The following ANKRD26 variants were observed in gnomAD, a reference collection of about 807,000 sequenced individuals.
The protein encoded by ANKRD26 is ankyrin repeat domain-containing protein 26.
Under a neutral mutation model 208.7 loss-of-function variants are expected in ANKRD26, and 141 were observed. That is an observed-to-expected ratio of 0.68 (90% confidence interval 0.59 to 0.78). ANKRD26 has a LOEUF of 0.78. Ranked by LOEUF, ANKRD26 falls within the 30% of genes least tolerant of loss-of-function variation. ANKRD26 has a pLI of 0.00. For synonymous variants in ANKRD26, 636 were observed against 660.4 expected (o/e 0.96, Z 0.57); for missense variants, 1,889 against 1,938.7 (o/e 0.97, Z 0.48).
rs2056178337 is a variant in ANKRD26 at position 27,088,004 on chromosome 10, T to C, written c.639-1395A>G. On this transcript the variant is annotated intron_variant, in intron 4 of 33. Transcript: ENST00000376087. ...TCTTGCTATGTTGCCCAGGCTGGTC[T>C]TGAACTCCTGGCCTCAAGCAATTCT... 3.3e-5 allele frequency among the ~76,000 whole-genome samples: 5 copies of C among 152,172 alleles called. No individual in the cohort carries two copies. The South Asian group carries it at 1.0e-3, about 32-fold the overall frequency.
the ANKRD26 span, among the ~76,000 whole-genome samples, chr10:26,947,665 G>A: frequency 6.6e-6 from 1 of 152,162 alleles, no homozygotes; most frequent in South Asian, 2.1e-4. Flanking sequence ...TTCTCAGTGA[G>A]GAAGCGGCAT....
chr10:26,985,969 A>G (rs2052379536), intron 3 of ANKRD26, among the ~76,000 whole-genome samples: 2 of 152,190 alleles, frequency 1.3e-5, no homozygotes, highest in Non-Finnish European at 2.9e-5. Flanking sequence ...CCTCATTGCC[A>G]AGTCAATCCT....
chr10:27,014,458 T>C (rs2053222735), intron 31 of ANKRD26, 36 bp downstream of exon 31: 1 of 1,449,150 alleles, frequency 6.9e-7, no homozygotes, highest in Non-Finnish European at 9.6e-7. Context: ...ATTAATGAGC[T>C]TAATTTATTT....
chr10:26,979,528 C>T (rs2052277064), intron 5 of ANKRD26, among the ~76,000 whole-genome samples: 1 of 152,144 alleles, frequency 6.6e-6, no homozygotes, highest in South Asian at 2.1e-4. Context: ...AGATAGTTTT[C>T]TTAGACACAC....
At chr10:26,963,701 C>A in the ANKRD26 span, among the ~76,000 whole-genome samples, 1 of 152,040 alleles carries the variant, frequency 6.6e-6, no homozygotes, top group Non-Finnish European at 1.5e-5. Context: ...CAGTTCAAGT[C>A]CCTAATATAA....
At chr10:27,068,860 TA>T (rs79173744) in intron 9 of ANKRD26, among the ~76,000 whole-genome samples, 513 of 125,402 alleles carry the variant, frequency 4.1e-3, no homozygotes, top group East Asian at 7.3e-3. Context: ...TTGGGCATCC[TA>T]AAAAAAAAAA....
chr10:26,989,261 C>A (rs2052444475), downstream of ANKRD26, among the ~76,000 whole-genome samples: 1 of 152,092 alleles, frequency 6.6e-6, no homozygotes, highest in Non-Finnish European at 1.5e-5. Context: ...CAGTTCCCTG[C>A]CTTTTATTCC....
chr10:27,054,609 G>A (rs925725415), intron 15 of ANKRD26, among the ~76,000 whole-genome samples: 4 of 152,212 alleles, frequency 2.6e-5, no homozygotes, highest in African/African-American at 7.2e-5. Context: ...TGTCAAAGAT[G>A]GCTTTGCTAG....
At chr10:27,070,761 G>A (rs2055455268) in intron 9 of ANKRD26, among the ~76,000 whole-genome samples, 1 of 151,552 alleles carries the variant, frequency 6.6e-6, no homozygotes, top group South Asian at 2.1e-4. Context: ...CACCTCCTGG[G>A]TTCAAGCAAT....
rs12268608 is a variant in ANKRD26, at chr10:27,028,944, G to C, written c.3880C>G (p.Leu1294Val). The C allele has an allele frequency of 6.2e-7, 1 of 1,602,508 alleles. No homozygotes were observed. The highest frequency in any genetic ancestry group is 8.5e-7 in the Non-Finnish European group (1 of 1,171,300). The stretch of plus-strand genomic sequence containing the variant: ...TTTAACTTGGCATTATCTTTTTCAA[G>C]CCTGAAATGTATATTTTAAAATAAT... ...AEKMQDHKQK[L>V]EKDNAKLKVT... The change falls in exon 27 of 34, where the codon CTT becomes GTT. Residue 1294 changes from leucine to valine, a missense_variant and splice_region_variant. Leu to Val is a conservative substitution (Grantham distance 32). Transcript: ENST00000376087.
At chr10:27,090,105 T>C (rs1192654046) in intron 4 of ANKRD26, among the ~76,000 whole-genome samples, 1 of 152,154 alleles carries the variant, frequency 6.6e-6, no homozygotes, top group Non-Finnish European at 1.5e-5. Context: ...AGCCTGACTA[T>C]ACTTGATGAT....
At chr10:27,042,176 G>GC (rs2054263169) in intron 20 of ANKRD26, among the ~76,000 whole-genome samples, 1 of 152,132 alleles carries the variant, frequency 6.6e-6, no homozygotes, top group Non-Finnish European at 1.5e-5. Flanking sequence ...TTTGACAAAG[G>GC]CACAATGGCA....
In ANKRD26 at chr10:27,046,191, T is replaced by G. The variant is rs1012152992; in HGVS notation, c.1985+162A>C. Reference sequence around the variant, plus strand: ...TCAGGGCTCCATGGTGACCATTTATTGAAATGGCTGCTTGTCAAAGTCACT... The same window carrying G: ...TCAGGGCTCCATGGTGACCATTTATGGAAATGGCTGCTTGTCAAAGTCACT... On this transcript the variant is annotated intron_variant, in intron 18 of 33. Coordinates refer to ENST00000376087, the MANE Select transcript of ANKRD26 (RefSeq NM_014915.3). 2.0e-5 allele frequency: 15 copies of G among 761,812 alleles called. No homozygotes were observed. The African/African-American group carries it at 2.5e-4, about 12-fold the overall frequency. 47.2% of individuals were successfully genotyped at this position (761,812 alleles called of 1,614,324 possible).
chr10:26,992,842 A>G (rs2052514824), intron 5 of ANKRD26, among the ~76,000 whole-genome samples: 1 of 152,194 alleles, frequency 6.6e-6, no homozygotes, highest in Non-Finnish European at 1.5e-5. Context: ...CATATCAGCC[A>G]TAAGTTAAGT....
At chr10:27,015,080 C>G (rs2053245229) in intron 30 of ANKRD26, among the ~76,000 whole-genome samples, 1 of 152,038 alleles carries the variant, frequency 6.6e-6, no homozygotes, top group Non-Finnish European at 1.5e-5. Context: ...AAAATGACTA[C>G]AAATGTGGAG....
At chr10:27,021,725 T>A (rs148419194) in intron 29 of ANKRD26, among the ~76,000 whole-genome samples, 1 of 152,246 alleles carries the variant, frequency 6.6e-6, no homozygotes, top group Non-Finnish European at 1.5e-5. Flanking sequence ...TTTGACTTTT[T>A]AATAATAGCC....
chr10:27,074,850 T>G (rs1056532098), intron 9 of ANKRD26, among the ~76,000 whole-genome samples: 2 of 151,962 alleles, frequency 1.3e-5, no homozygotes, highest in African/African-American at 4.8e-5. Flanking sequence ...AAAAATAACC[T>G]GTAAAGGAAA....
At position 27,005,523 on chromosome 10, in the gene ANKRD26, G is replaced by A; in HGVS notation, c.*67C>T. 5.2e-6 allele frequency: 8 copies of A among 1,524,550 alleles called. No homozygotes were observed. The highest frequency in any genetic ancestry group is 7.1e-6 in the Non-Finnish European group (8 of 1,125,302). The allele number at this position is 1,524,550 out of a possible 1,614,324, so 94.4% of individuals were successfully genotyped here. ...ATACGTTCCTTTAATATTTTTACATGTCATATATTAATATTTAATGAGAAA... is the reference window on the plus strand; with the variant it reads ...ATACGTTCCTTTAATATTTTTACATATCATATATTAATATTTAATGAGAAA... On this transcript the variant is annotated 3_prime_UTR_variant, in exon 34 of 34. Coordinates refer to ENST00000376087, the MANE Select transcript of ANKRD26 (RefSeq NM_014915.3).
the ANKRD26 span, among the ~76,000 whole-genome samples, chr10:26,956,951 G>C: frequency 1.3e-5 from 2 of 152,214 alleles, no homozygotes; most frequent in Non-Finnish European, 2.9e-5. Context: ...TAGCTGATGT[G>C]ATTTCTTGCT....
Sources: gnomAD v4.1 joint callset for allele counts (sites outside exome capture counted in the v4.1 genomes callset) on GRCh38, gnomAD v4.1.1 for gene constraint, MANE v1.5 for transcripts, NCBI Gene and HGNC (gene_info 2026-07-23, HGNC 2026-07-21) for gene names.